Variants in STMN4 observed in about 807,000 individuals in gnomAD.
STMN4 encodes the protein stathmin-4.
STMN4 carries 12 observed loss-of-function variants against 29.1 expected under a neutral mutation model. That is an observed-to-expected ratio of 0.41 (90% confidence interval 0.26 to 0.67). The LOEUF is 0.67. Ranked by LOEUF, STMN4 falls within the 30% of genes least tolerant of loss-of-function variation. The probability of loss-of-function intolerance (pLI) is 0.30; values close to 1 mark genes in which losing one functional copy is unlikely to be tolerated. For synonymous variants in STMN4, 114 were observed against 105.3 expected (o/e 1.08, Z -0.51); for missense variants, 181 against 262.8 (o/e 0.69, Z 2.15).
chr8:27,236,929 G>T, intron 6 of STMN4, 24 bp from the exon 7 acceptor site: 1 of 1,602,260 alleles, frequency 6.2e-7, no homozygotes, highest in Middle Eastern at 1.7e-4. Context: ...GAGGGAAAAG[G>T]GCAGGTCACA....
chr8:27,238,987 C>T (rs1241832294), intron 6 of STMN4, among the ~76,000 whole-genome samples: 6 of 152,252 alleles, frequency 3.9e-5, no homozygotes, highest in Non-Finnish European at 8.8e-5. Flanking sequence ...CCCTCCATAA[C>T]TGGAGAAGCC....
chr8:27,256,618 T>A (rs1586025895), intron 1 of STMN4, among the ~76,000 whole-genome samples: 1 of 133,202 alleles, frequency 7.5e-6, no homozygotes, highest in African/African-American at 4.2e-5. Flanking sequence ...AATATACACA[T>A]AACTGATATG....
intron 1 of STMN4, among the ~76,000 whole-genome samples, chr8:27,248,003 GC>G (rs935225249): frequency 6.6e-6 from 1 of 152,158 alleles, no homozygotes; most frequent in Admixed American, 6.5e-5. Flanking sequence ...GATCAAAGGA[GC>G]CCCAGACAGA....
intron 1 of STMN4, among the ~76,000 whole-genome samples, chr8:27,250,277 T>A (rs1801745740): frequency 6.6e-6 from 1 of 152,242 alleles, no homozygotes; most frequent in African/African-American, 2.4e-5. Flanking sequence ...AAGGCTCTGA[T>A]TGGCAGCCAT....
chr8:27,243,856 C>T (rs1267110327), intron 1 of STMN4, 55 bp from the exon 2 acceptor site: 1 of 1,517,388 alleles, frequency 6.6e-7, no homozygotes. Flanking sequence ...AGGTTATTCT[C>T]ATAAGAAAGG....
intron 1 of STMN4, among the ~76,000 whole-genome samples, chr8:27,253,452 G>A (rs969609579): frequency 4.6e-5 from 7 of 152,152 alleles, no homozygotes; most frequent in African/African-American, 1.7e-4. Context: ...TTGTCAGAAT[G>A]ATCTGGATTT....
At chr8:27,246,708 GC>G in intron 1 of STMN4, among the ~76,000 whole-genome samples, 1 of 152,316 alleles carries the variant, frequency 6.6e-6, no homozygotes, top group South Asian at 2.1e-4. Flanking sequence ...GAGTAAGGCA[GC>G]CACAAGCCAA....
chr8:27,251,084 T>A (rs1182177113), intron 1 of STMN4, among the ~76,000 whole-genome samples: 1 of 151,920 alleles, frequency 6.6e-6, no homozygotes, highest in African/African-American at 2.4e-5. Flanking sequence ...CCATCTCTAC[T>A]AAAAATACAA....
At chr8:27,245,425 G>T (rs899390111) in intron 1 of STMN4, among the ~76,000 whole-genome samples, 2 of 152,256 alleles carry the variant, frequency 1.3e-5, no homozygotes, top group Non-Finnish European at 2.9e-5. Context: ...TTGAACCGAG[G>T]TCCAGCTGGA....
chr8:27,244,699 C>T (rs1042838930), intron 1 of STMN4, among the ~76,000 whole-genome samples: 1 of 151,514 alleles, frequency 6.6e-6, no homozygotes, highest in Non-Finnish European at 1.5e-5. Context: ...ACTCAGTGTC[C>T]GTGGGATCAG....
At chr8:27,241,939 G>T (rs532290825) in intron 3 of STMN4, among the ~76,000 whole-genome samples, 182 bp from the exon 4 acceptor site, 74 of 152,240 alleles carry the variant, frequency 4.9e-4, no homozygotes, top group African/African-American at 1.7e-3. Context: ...CCGGCTACAG[G>T]CCCCACACAG....
intron 6 of STMN4, 52 bp from the exon 7 acceptor site, chr8:27,236,957 A>G (rs1282888731): frequency 1.9e-6 from 3 of 1,570,490 alleles, no homozygotes; most frequent in East Asian, 2.3e-5. Flanking sequence ...GCCCGGGGAC[A>G]AAAAGGGAGG....
Position 27,241,764 on chromosome 8 carries a change from A to G in STMN4, c.110-7T>C. The G allele has an allele frequency of 1.2e-6, 2 of 1,614,194 alleles. No homozygotes were observed. The highest frequency in any genetic ancestry group is 2.2e-5 in the South Asian group (2 of 91,084). On this transcript the variant is annotated splice_polypyrimidine_tract_variant and splice_region_variant and intron_variant, in intron 3 of 6. Coordinates refer to ENST00000350889, the MANE Select transcript of STMN4 (RefSeq NM_030795.4). ...CACTGTCTCCCACACCAGCCTAGAC[A>G]GAAAAAACAACCTCAGGTCATCCGA...
intron 1 of STMN4, among the ~76,000 whole-genome samples, chr8:27,244,198 CTG>C (rs1347649848): frequency 1.3e-5 from 2 of 152,296 alleles, no homozygotes; most frequent in Admixed American, 6.5e-5. Context: ...CATAAAATAA[CTG>C]TGTGTCCTGG....
At chr8:27,236,936 C>A in intron 6 of STMN4, 31 bp from the exon 7 acceptor site, 2 of 1,595,836 alleles carry the variant, frequency 1.3e-6, no homozygotes, top group South Asian at 2.3e-5. Context: ...AAGGGCAGGT[C>A]ACACAAGGCT....
chr8:27,251,281 T>A (rs112717344), intron 1 of STMN4, among the ~76,000 whole-genome samples: 2,281 of 138,498 alleles, frequency 0.016, 51 homozygotes, highest in African/African-American at 0.053. Context: ...TATACACGTA[T>A]ATACGTATAT....
At chr8:27,255,528 C>T (rs1383328481) in intron 1 of STMN4, among the ~76,000 whole-genome samples, 1 of 152,170 alleles carries the variant, frequency 6.6e-6, no homozygotes, top group Non-Finnish European at 1.5e-5. Context: ...AGCAAGAACA[C>T]AAAATATCTG....
At chr8:27,257,447 G>A (rs78977298) in intron 1 of STMN4, among the ~76,000 whole-genome samples, 1,729 of 112,900 alleles carry the variant, frequency 0.015, 24 homozygotes, top group South Asian at 0.05. Context: ...CTCTCCCTCC[G>A]ACCCCCATAC....
At chr8:27,254,044 A>G (rs561058502) in intron 1 of STMN4, among the ~76,000 whole-genome samples, 1 of 152,160 alleles carries the variant, frequency 6.6e-6, no homozygotes, top group East Asian at 1.9e-4. Flanking sequence ...CAGCCTCCCA[A>G]AGTGTTGGGA....
Sources: allele counts gnomAD v4.1 joint callset (sites outside exome capture counted in the v4.1 genomes callset), GRCh38; gene constraint gnomAD v4.1.1; transcripts MANE v1.5; gene names NCBI Gene and HGNC (gene_info 2026-07-23, HGNC 2026-07-21).